Variants in ZC3H7A observed in about 807,000 individuals in gnomAD.
ZC3H7A encodes the protein zinc finger CCCH domain-containing protein 7A.
ZC3H7A carries 44 observed loss-of-function variants against 125.5 expected under a neutral mutation model. The ratio of observed to expected loss-of-function variants is 0.35; its 90% CI spans 0.28 to 0.45. ZC3H7A has a LOEUF of 0.45. Ranked by LOEUF, ZC3H7A falls within the 20% of genes least tolerant of loss-of-function variation. The pLI, the probability that ZC3H7A is intolerant of heterozygous loss-of-function variation, is 1.00. For missense variants in ZC3H7A, 977 were observed against 1,170.7 expected (o/e 0.83, Z 2.41); for synonymous variants, 399 against 391.2 (o/e 1.02, Z -0.23).
At chr16:11,756,444 T>C in intron 20 of ZC3H7A, 74 bp from the exon 21 acceptor site, 1 of 1,562,922 alleles carries the variant, frequency 6.4e-7, no homozygotes, top group African/African-American at 1.4e-5. Context: ...GTGCATATTT[T>C]GTAGCAGTCA....
Position 11,781,475 on chromosome 16 carries a change from G to A in ZC3H7A, c.69-11C>T, listed in dbSNP as rs1295135383. On this transcript the variant is annotated splice_polypyrimidine_tract_variant and intron_variant, in intron 2 of 22. Transcript: ENST00000355758. ...TATGACAGCGGTGACCTAAGAAGAA[G>A]AAACAAATTAACTGTAATTATCAAG... The A allele has an allele frequency of 2.5e-6, 4 of 1,601,560 alleles. No individual in the cohort carries two copies. Among genetic ancestry groups the A allele is most frequent in the Non-Finnish European group, 3.4e-6 (4 of 1,171,584 alleles).
At chr16:11,789,403 C>A (rs549622778) in intron 1 of ZC3H7A, among the ~76,000 whole-genome samples, 1 of 152,018 alleles carries the variant, frequency 6.6e-6, no homozygotes, top group East Asian at 1.9e-4. Flanking sequence ...TACAGGCGCA[C>A]GTCACCAGGC....
intron 10 of ZC3H7A, 140 bp downstream of exon 10, chr16:11,770,643 G>A (rs755075679): frequency 7.1e-5 from 61 of 864,478 alleles, no homozygotes; most frequent in Non-Finnish European, 3.8e-5. Flanking sequence ...CAAAACTGAA[G>A]GCTTAGTCTT....
intron 9 of ZC3H7A, among the ~76,000 whole-genome samples, chr16:11,772,311 C>T (rs1009490153): frequency 2.0e-5 from 3 of 151,666 alleles, no homozygotes; most frequent in African/African-American, 7.3e-5. Flanking sequence ...TTGAGACAAC[C>T]TCTCTGGAGG....
rs558320521 is a variant in ZC3H7A at position 11,754,757 on chromosome 16, T to G, written c.2562+1480A>C. On this transcript the variant is annotated intron_variant, in intron 21 of 22. Coordinates refer to ENST00000355758, the MANE Select transcript of ZC3H7A (RefSeq NM_014153.4). ...AAATACAAAAATTAGCCGTGCGTGG[T>G]GGCCGGCACCTGTAGTCCCAGCTAC... is the stretch of plus-strand genomic sequence containing the variant. 1.1e-4 allele frequency among the ~76,000 whole-genome samples: 16 copies of G among 150,872 alleles called. No individual in the cohort carries two copies. The South Asian group carries it at 3.4e-3, about 32-fold the overall frequency.
At chr16:11,768,767 C>A (rs1477342580) in intron 11 of ZC3H7A, among the ~76,000 whole-genome samples, 1 of 152,040 alleles carries the variant, frequency 6.6e-6, no homozygotes, top group African/African-American at 2.4e-5. Flanking sequence ...CTTTACATGC[C>A]CCGATCTTAT....
chr16:11,783,746 T>G (rs1213220476), intron 1 of ZC3H7A, among the ~76,000 whole-genome samples: 1 of 152,236 alleles, frequency 6.6e-6, no homozygotes, highest in Non-Finnish European at 1.5e-5. Context: ...TTTAGTTTCA[T>G]TATTGCTTGG....
At chr16:11,780,281 C>T (rs1327496091) in intron 3 of ZC3H7A, among the ~76,000 whole-genome samples, 1 of 151,844 alleles carries the variant, frequency 6.6e-6, no homozygotes, top group Non-Finnish European at 1.5e-5. Context: ...CCACCACACT[C>T]GGCTAATTTT....
chr16:11,752,053 C>T (rs2052561774), intron 22 of ZC3H7A, among the ~76,000 whole-genome samples: 1 of 151,594 alleles, frequency 6.6e-6, no homozygotes, highest in Non-Finnish European at 1.5e-5. Flanking sequence ...TTACAGGCAC[C>T]TGCCACCACG....
At chr16:11,773,547 C>T (rs1360828035) in intron 9 of ZC3H7A, among the ~76,000 whole-genome samples, 2 of 151,858 alleles carry the variant, frequency 1.3e-5, no homozygotes, top group Non-Finnish European at 2.9e-5. Flanking sequence ...GGCTGAACCC[C>T]GCTTTAAAGT....
intron 4 of ZC3H7A, 22 bp from the exon 5 acceptor site, chr16:11,776,931 T>C: frequency 6.5e-7 from 1 of 1,539,450 alleles, no homozygotes; most frequent in Non-Finnish European, 8.7e-7. Flanking sequence ...GACCAAAGAA[T>C]AAAGTCAGCA....
rs1007955892 is a variant in ZC3H7A at position 11,761,794 on chromosome 16, T to C, written c.2213+116A>G. ...CCCTTGTGTCTGTAATTATCCTAAA[T>C]TATCTATTTTTCTCTCCTCTCTTCA... On this transcript the variant is annotated intron_variant, in intron 18 of 22. Transcript: ENST00000355758. 4.5e-5 allele frequency: 62 copies of C among 1,392,608 alleles called. 3 individuals carry two copies. Among genetic ancestry groups the C allele is most frequent in the Non-Finnish European group, 2.9e-6 (3 of 1,023,364 alleles). The allele number at this position is 1,392,608 out of a possible 1,614,324, so 86.3% of individuals were successfully genotyped here.
intron 3 of ZC3H7A, among the ~76,000 whole-genome samples, chr16:11,780,443 C>A (rs2053157305): frequency 6.6e-6 from 1 of 152,076 alleles, no homozygotes; most frequent in African/African-American, 2.4e-5. Context: ...TTTAAAAGCT[C>A]TTTTTCATCA....
chr16:11,765,221 C>A lies in ZC3H7A; in HGVS notation c.1720-68G>T. 1 of 1,028,140 alleles carries A rather than the reference C, an allele frequency of 9.7e-7. No individual in the cohort carries two copies. Among genetic ancestry groups the A allele is most frequent in the Non-Finnish European group, 1.4e-6 (1 of 728,044 alleles). 63.7% of individuals were successfully genotyped at this position (1,028,140 alleles called of 1,614,324 possible). The stretch of plus-strand genomic sequence containing the variant: ...TAAATTTTGTACCCAGAATATTGTC[C>A]TAGTTTCAATATCATTACAAAATTA... On this transcript the variant is annotated intron_variant, in intron 14 of 22. Transcript: ENST00000355758. The surrounding 1 kb of genome is among the most constrained non-coding windows in gnomAD (Gnocchi z 4.8).
chr16:11,795,074 C>G (rs1416813875), intron 1 of ZC3H7A, among the ~76,000 whole-genome samples: 2 of 152,306 alleles, frequency 1.3e-5, no homozygotes, highest in Middle Eastern at 3.4e-3. Context: ...AACTCATGAT[C>G]TCATCCTGAG....
Position 11,777,020 on chromosome 16 carries a change from A to G in ZC3H7A, c.307-111T>C, listed in dbSNP as rs182797121. 9.5e-5 allele frequency: 74 copies of G among 780,672 alleles called. 2 individuals carry two copies. The East Asian group carries it at 1.9e-3, about 20-fold the overall frequency. 48.4% of individuals were successfully genotyped at this position (780,672 alleles called of 1,614,324 possible). A position where few individuals can be genotyped will look rare whatever the true frequency, so the allele number is the denominator to read the frequency against. On this transcript the variant is annotated intron_variant, in intron 4 of 22. Transcript: ENST00000355758. ...TACCCCATCCTATTACCCTCCCTCT[A>G]AACTCCAAGTTAGCAGTATTACTTT... is the stretch of plus-strand genomic sequence containing the variant.
Position 11,761,774 on chromosome 16 carries a change from G to GT in ZC3H7A, c.2213+135dup. 3.2e-6 allele frequency: 4 copies of GT among 1,237,990 alleles called. No individual in the cohort carries two copies. In the South Asian group the frequency reaches 5.8e-5, roughly 18 times the overall value. The allele number at this position is 1,237,990 out of a possible 1,614,324, so 76.7% of individuals were successfully genotyped here. A position where few individuals can be genotyped will look rare whatever the true frequency, so the allele number is the denominator to read the frequency against. Reference sequence around the variant, plus strand: ...CTAGGTCCTAAAAATCTCTTCCCTTGTGTCTGTAATTATCCTAAATTATCT... The same window carrying GT: ...CTAGGTCCTAAAAATCTCTTCCCTTGTTGTCTGTAATTATCCTAAATTATCT... On this transcript the variant is annotated intron_variant, in intron 18 of 22. Coordinates refer to ENST00000355758, the MANE Select transcript of ZC3H7A (RefSeq NM_014153.4).
intron 1 of ZC3H7A, among the ~76,000 whole-genome samples, chr16:11,795,794 G>T (rs2053427464): frequency 6.6e-6 from 1 of 152,118 alleles, no homozygotes. Flanking sequence ...AAAAAGAAAA[G>T]CAGTGAGATT....
intron 21 of ZC3H7A, among the ~76,000 whole-genome samples, chr16:11,755,960 C>T (rs1194794431): frequency 1.3e-5 from 2 of 152,000 alleles, no homozygotes; most frequent in African/African-American, 4.8e-5. Flanking sequence ...GTCAGGAGTT[C>T]GAGACCATCC....
Sources: gnomAD v4.1 joint callset for allele counts (sites outside exome capture counted in the v4.1 genomes callset) on GRCh38, gnomAD v4.1.1 for gene constraint, Gnocchi (gnomAD v3.1) non-coding constraint, MANE v1.5 for transcripts, NCBI Gene and HGNC (gene_info 2026-07-23, HGNC 2026-07-21) for gene names.